PIGN: variants seen among roughly 807,000 people sequenced by gnomAD.
PIGN encodes the protein phosphatidylinositol glycan anchor biosynthesis class N.
Under a neutral mutation model 125.4 loss-of-function variants are expected in PIGN, and 117 were observed. The observed-to-expected ratio is 0.93, with a 90% CI of 0.80 to 1.09. The LOEUF (loss-of-function observed/expected upper bound fraction) is 1.09, where lower values mean the gene tolerates loss of function less well. Ranked by LOEUF, PIGN falls within the 50% of genes least tolerant of loss-of-function variation. PIGN has a pLI of 0.00. For synonymous variants in PIGN, 392 were observed against 377.8 expected (o/e 1.04, Z -0.44); for missense variants, 1,075 against 1,094.9 (o/e 0.98, Z 0.26).
At chr18:62,072,823 C>CT in intron 29 of PIGN, 98 bp from the exon 30 acceptor site, 1 of 784,492 alleles carries the variant, frequency 1.3e-6, no homozygotes, top group Non-Finnish European at 2.0e-6. Flanking sequence ...ATTTCTGACT[C>CT]TAAGAATCAC....
At chr18:62,046,974 A>G (rs1383428050) in intron 30 of PIGN, among the ~76,000 whole-genome samples, 3 of 152,240 alleles carry the variant, frequency 2.0e-5, no homozygotes, top group African/African-American at 7.2e-5. Context: ...GGAAGACAGC[A>G]GCAACCTGGA....
At chr18:62,026,560 A>G (rs2030121206) in intron 23 of PIGN, among the ~76,000 whole-genome samples, 2 of 152,156 alleles carry the variant, frequency 1.3e-5, no homozygotes, top group Admixed American at 6.6e-5. Flanking sequence ...CTCTGAAAAA[A>G]CCAAACCTTT....
At chr18:62,140,947 A>T (rs746781198) in intron 11 of PIGN, among the ~76,000 whole-genome samples, 1 of 152,176 alleles carries the variant, frequency 6.6e-6, no homozygotes, top group Non-Finnish European at 1.5e-5. Context: ...TAGTCAAAAG[A>T]TCCCAAATAC....
At chr18:62,111,160 T>C (rs555722961) in intron 16 of PIGN, among the ~76,000 whole-genome samples, 11 of 152,206 alleles carry the variant, frequency 7.2e-5, no homozygotes, top group African/African-American at 2.4e-4. Flanking sequence ...CCATGTGTCC[T>C]TGTGGAAAAC....
intron 30 of PIGN, chr18:62,053,090 C>T (rs117169606): frequency 0.012 from 3,221 of 278,434 alleles, 108 homozygotes; most frequent in East Asian, 0.073. Flanking sequence ...TATTTGCTAG[C>T]TGATGTGAAA....
intron 30 of PIGN, among the ~76,000 whole-genome samples, chr18:62,061,567 A>G (rs1050332619): frequency 4.6e-5 from 7 of 151,576 alleles, no homozygotes; most frequent in Non-Finnish European, 1.0e-4. Flanking sequence ...ACAAAAGGGC[A>G]ACATTCCATT....
intron 15 of PIGN, 84 bp downstream of exon 15, chr18:62,114,477 G>T: frequency 1.2e-6 from 1 of 801,182 alleles, no homozygotes. Context: ...AAGCTCCCTG[G>T]CCTGCCTACT....
intron 4 of PIGN, among the ~76,000 whole-genome samples, chr18:62,160,854 C>A (rs1240228150): frequency 1.3e-5 from 2 of 152,088 alleles, no homozygotes; most frequent in Non-Finnish European, 2.9e-5. Flanking sequence ...GAGTCTTGAG[C>A]CAAGTTTGGG....
intron 30 of PIGN, chr18:62,072,222 A>G (rs1468344718): frequency 6.6e-6 from 1 of 152,126 alleles, no homozygotes; most frequent in African/African-American, 2.4e-5. Flanking sequence ...GTATAGCTAT[A>G]TAATGTGTTT....
chr18:62,025,702 C>G (rs2030108606), intron 23 of PIGN, among the ~76,000 whole-genome samples: 1 of 152,168 alleles, frequency 6.6e-6, no homozygotes, highest in African/African-American at 2.4e-5. Context: ...TTATCATGCC[C>G]TAAATGTCTT....
rs1388512344 is a variant in PIGN, at chr18:62,043,997, C to A, written c.*1859G>T. 1 of 152,126 alleles carries A rather than the reference C, an allele frequency of 6.6e-6. No homozygotes were observed. The highest frequency in any genetic ancestry group is 1.9e-4 in the East Asian group (1 of 5,192). The allele number at this position is 152,126 out of a possible 1,614,324, so 9.4% of individuals were successfully genotyped here. On this transcript the variant is annotated 3_prime_UTR_variant, in exon 31 of 31. Coordinates refer to ENST00000640252, the MANE Select transcript of PIGN (RefSeq NM_176787.5). ...AAAACATTTAAAGATATCTGGGAAA[C>A]TGCAACAGAAAAGGCTTGTTCCCAT...
At chr18:62,124,558 T>C (rs1433425047) in intron 14 of PIGN, among the ~76,000 whole-genome samples, 1 of 152,154 alleles carries the variant, frequency 6.6e-6, no homozygotes, top group Non-Finnish European at 1.5e-5. Context: ...GTGAATGATA[T>C]GCGTAAAATG....
At chr18:62,048,040 T>TA (rs1351225196) in intron 30 of PIGN, among the ~76,000 whole-genome samples, 3 of 151,832 alleles carry the variant, frequency 2.0e-5, no homozygotes, top group Non-Finnish European at 4.4e-5. Context: ...AGTCTAGAAC[T>TA]AAAAAATGCA....
At chr18:62,179,678 C>T (rs551782594) in intron 1 of PIGN, among the ~76,000 whole-genome samples, 1 of 152,074 alleles carries the variant, frequency 6.6e-6, no homozygotes, top group Non-Finnish European at 1.5e-5. Flanking sequence ...CCCCGGAGAT[C>T]GAGGCTGCCA....
chr18:62,027,702 T>C (rs1451505231), intron 23 of PIGN, among the ~76,000 whole-genome samples: 1 of 152,182 alleles, frequency 6.6e-6, no homozygotes, highest in Non-Finnish European at 1.5e-5. Context: ...GTTTGACATT[T>C]AGCTTAGCAA....
intron 1 of PIGN, among the ~76,000 whole-genome samples, chr18:62,164,962 T>C (rs946779550): frequency 6.6e-6 from 1 of 152,164 alleles, no homozygotes; most frequent in African/African-American, 2.4e-5. Context: ...GGAAGGTTGC[T>C]ATGGTTTGTG....
chr18:62,039,594 C>T (rs1403234582), downstream of PIGN, among the ~76,000 whole-genome samples: 3 of 121,886 alleles, frequency 2.5e-5, 1 homozygote, highest in African/African-American at 5.7e-5. Flanking sequence ...TCCAGGGTGC[C>T]GCACCCCATG....
intron 22 of PIGN, among the ~76,000 whole-genome samples, chr18:62,098,460 C>T (rs2034301149): frequency 6.6e-6 from 1 of 152,166 alleles, no homozygotes; most frequent in South Asian, 2.1e-4. Context: ...TAATAAAAGT[C>T]AGTTCAAATG....
chr18:62,090,399 G>T, intron 24 of PIGN, 77 bp downstream of exon 24: 1 of 765,440 alleles, frequency 1.3e-6, no homozygotes, highest in East Asian at 3.0e-5. Context: ...AAGAATTTTT[G>T]AAATAATATT....
Sources: gnomAD v4.1 joint callset for allele counts (sites outside exome capture counted in the v4.1 genomes callset) on GRCh38, gnomAD v4.1.1 for gene constraint, MANE v1.5 for transcripts, NCBI Gene and HGNC (gene_info 2026-07-23, HGNC 2026-07-21) for gene names.